Variants in AFF4 observed in about 807,000 individuals in gnomAD.
AFF4 encodes AF4/FMR2 family member 4.
A neutral mutation model predicts 124.8 loss-of-function variants in AFF4; 13 were observed. That is an observed-to-expected ratio of 0.10 (90% CI 0.07 to 0.17). The LOEUF (loss-of-function observed/expected upper bound fraction) is 0.17, where lower values mean the gene tolerates loss of function less well. AFF4 is among the 10% of genes least tolerant of loss of function. The probability of loss-of-function intolerance (pLI) is 1.00; values close to 1 mark genes in which losing one functional copy is unlikely to be tolerated. For missense variants in AFF4, 1,092 were observed against 1,403.8 expected, an observed-to-expected ratio of 0.78 and a Z score of 3.55; for synonymous variants, 477 against 496.1, an observed-to-expected ratio of 0.96 and a Z score of 0.51.
intron 19 of AFF4, among the ~76,000 whole-genome samples, chr5:132,884,375 G>A (rs557795180): frequency 2.0e-5 from 3 of 152,096 alleles, no homozygotes; most frequent in South Asian, 4.1e-4. Context: ...GAGTAGCTAG[G>A]ATTACAGGCG....
At chr5:132,905,881 A>C (rs528594094) in intron 5 of AFF4, among the ~76,000 whole-genome samples, 1 of 152,366 alleles carries the variant, frequency 6.6e-6, no homozygotes, top group East Asian at 1.9e-4. Context: ...CAAATGATGT[A>C]TCTGATAAGG....
chr5:132,893,010 A>G lies in AFF4; in HGVS notation c.2396+20T>C. On this transcript the variant is annotated intron_variant, in intron 12 of 20. Coordinates refer to ENST00000265343, the MANE Select transcript of AFF4 (RefSeq NM_014423.4). ...ACATATATTAACAACACTGGCATGC[A>G]ACATGTTTTGGGAACGTACTCTCTG... 1 of 1,609,666 alleles carries G rather than the reference A, an allele frequency of 6.2e-7. No individual in the cohort carries two copies. Among genetic ancestry groups the G allele is most frequent in the African/African-American group, 1.3e-5 (1 of 74,954 alleles).
intron 1 of AFF4, chr5:132,943,743 T>C (rs1761629138): frequency 6.3e-6 from 2 of 316,932 alleles, no homozygotes; most frequent in Admixed American, 7.9e-5. Context: ...ACAGGAAAAA[T>C]GACCCACCAA....
Position 132,880,588 on chromosome 5 carries a change from C to G in AFF4, c.*471G>C. On this transcript the variant is annotated 3_prime_UTR_variant, in exon 21 of 21. Transcript: ENST00000265343. ...TATTTTAGACGAACCAATTCTTACT[C>G]TTAGAACAGCTACCACAAAAAGATA... 2.7e-6 allele frequency: 1 copy of G among 370,446 alleles called. No homozygotes were observed. The highest frequency in any genetic ancestry group is 4.8e-6 in the Non-Finnish European group (1 of 208,472). 22.9% of individuals were successfully genotyped at this position (370,446 alleles called of 1,614,324 possible). A position where few individuals can be genotyped will look rare whatever the true frequency, so the allele number is the denominator to read the frequency against.
intron 5 of AFF4, among the ~76,000 whole-genome samples, chr5:132,925,804 G>A (rs1242527962): frequency 1.3e-5 from 2 of 152,164 alleles, no homozygotes; most frequent in African/African-American, 4.8e-5. Context: ...AATACTGGCT[G>A]GTACAAATCC....
intron 5 of AFF4, 46 bp downstream of exon 5, chr5:132,927,075 A>G: frequency 6.5e-7 from 1 of 1,538,162 alleles, no homozygotes; most frequent in South Asian, 1.2e-5. Flanking sequence ...TAGTCAAGCC[A>G]TTTAGAGTTT....
chr5:132,963,438 T>G lies in AFF4; in HGVS notation c.-184A>C, dbSNP rs946024051. ...GAGGCCTCGACAAACGAAGGCGGCG[T>G]CGGCGGCGGCGGCAGCGATGCGCCT... is the stretch of plus-strand genomic sequence containing the variant. On this transcript the variant is annotated 5_prime_UTR_variant, in exon 1 of 21. Coordinates refer to ENST00000265343, the MANE Select transcript of AFF4 (RefSeq NM_014423.4). 2.8e-5 allele frequency: 11 copies of G among 397,772 alleles called. No individual in the cohort carries two copies. In the South Asian group the frequency reaches 6.4e-4, roughly 23 times the overall value. The allele number at this position is 397,772 out of a possible 1,614,324, so 24.6% of individuals were successfully genotyped here.
rs1487499523 is a variant in AFF4, at chr5:132,919,209, G to T, written c.1050+7912C>A. Among the ~76,000 whole-genome samples, 5 of 152,216 alleles carry T rather than the reference G, an allele frequency of 3.3e-5. No homozygotes were observed. The South Asian group carries it at 1.0e-3, about 32-fold the overall frequency. On this transcript the variant is annotated intron_variant, in intron 5 of 20. Coordinates refer to ENST00000265343, the MANE Select transcript of AFF4 (RefSeq NM_014423.4). ...CCTAAAATTCTTATGAAAATGCAAAGAGCCTAGAAAAGTCAAATCTACTTT... is the reference window on the plus strand; with the variant it reads ...CCTAAAATTCTTATGAAAATGCAAATAGCCTAGAAAAGTCAAATCTACTTT...
chr5:132,955,353 C>T (rs1761928605), intron 1 of AFF4, among the ~76,000 whole-genome samples: 1 of 152,102 alleles, frequency 6.6e-6, no homozygotes, highest in Non-Finnish European at 1.5e-5. Context: ...GGGGCCCTCA[C>T]CAGGTACCCC....
At chr5:132,947,538 G>A (rs1322289100) in intron 1 of AFF4, among the ~76,000 whole-genome samples, 1 of 151,906 alleles carries the variant, frequency 6.6e-6, no homozygotes, top group Admixed American at 6.6e-5. Context: ...CTATCCTACT[G>A]AAAAACAGAG....
At chr5:132,906,317 T>C (rs1281844606) in intron 5 of AFF4, among the ~76,000 whole-genome samples, 1 of 152,224 alleles carries the variant, frequency 6.6e-6, no homozygotes, top group Non-Finnish European at 1.5e-5. Context: ...TAAGTGTTTA[T>C]AGCAATATTA....
intron 5 of AFF4, chr5:132,926,855 C>T (rs1267328164): frequency 3.6e-5 from 11 of 303,512 alleles, no homozygotes; most frequent in African/African-American, 6.8e-5. Flanking sequence ...CCACCGTGTC[C>T]GGCTGTATTA....
At chr5:132,888,220 TTCAG>T in intron 14 of AFF4, 60 bp from the exon 15 acceptor site, 1 of 1,301,400 alleles carries the variant, frequency 7.7e-7, no homozygotes, top group Non-Finnish European at 1.1e-6. Context: ...ACTAGTTCAT[TTCAG>T]TATCTAGTAT....
chr5:132,918,492 T>C (rs1760967282), intron 5 of AFF4, among the ~76,000 whole-genome samples: 1 of 152,036 alleles, frequency 6.6e-6, no homozygotes, highest in African/African-American at 2.4e-5. Context: ...TAAAACCTCG[T>C]CTCTACTAAA....
At chr5:132,918,385 G>A (rs901937585) in intron 5 of AFF4, among the ~76,000 whole-genome samples, 1 of 150,946 alleles carries the variant, frequency 6.6e-6, no homozygotes, top group Non-Finnish European at 1.5e-5. Flanking sequence ...AAATCAGCCA[G>A]GCACAGTGGC....
At chr5:132,936,956 A>C (rs1015228957) in intron 2 of AFF4, 111 bp downstream of exon 2, 1 of 1,362,356 alleles carries the variant, frequency 7.3e-7, no homozygotes, top group African/African-American at 1.5e-5. Flanking sequence ...AAAAAATGTT[A>C]AGTGGTATTC....
intron 1 of AFF4, among the ~76,000 whole-genome samples, chr5:132,942,684 A>G (rs1481842352): frequency 6.6e-6 from 1 of 152,112 alleles, no homozygotes; most frequent in East Asian, 1.9e-4. Context: ...GGCTAGTCTC[A>G]AACTCCCGAC....
Position 132,880,220 on chromosome 5 carries a change from A to C in AFF4, c.*839T>G. 2 of 398,986 alleles carry C rather than the reference A, an allele frequency of 5.0e-6. No individual in the cohort carries two copies. The highest frequency in any genetic ancestry group is 8.8e-6 in the Non-Finnish European group (2 of 226,030). The allele number at this position is 398,986 out of a possible 1,614,324, so 24.7% of individuals were successfully genotyped here. A position where few individuals can be genotyped will look rare whatever the true frequency, so the allele number is the denominator to read the frequency against. On this transcript the variant is annotated 3_prime_UTR_variant, in exon 21 of 21. Transcript: ENST00000265343. ...AAAAAATAACATATGGTTTTAATAA[A>C]ATCCGTAACGTTCAGGATTGTCCTT... is the stretch of plus-strand genomic sequence containing the variant.
intron 1 of AFF4, 134 bp from the exon 2 acceptor site, chr5:132,937,327 G>A: frequency 3.6e-6 from 4 of 1,120,426 alleles, no homozygotes; most frequent in Non-Finnish European, 4.8e-6. Context: ...CATTAGTGCT[G>A]AAGCTGGGTT....
Sources: gnomAD v4.1 joint callset for allele counts (sites outside exome capture counted in the v4.1 genomes callset) on GRCh38, gnomAD v4.1.1 for gene constraint, MANE v1.5 for transcripts, NCBI Gene and HGNC (gene_info 2026-07-23, HGNC 2026-07-21) for gene names.